The following PIWIL3 variants were observed in gnomAD, a reference collection of about 807,000 sequenced individuals.
PIWIL3 encodes the protein piwi like RNA-mediated gene silencing 3, also known as piwi-like protein 3.
In PIWIL3, 101 loss-of-function variants were observed where a neutral mutation model predicts 109.7. The ratio of observed to expected loss-of-function variants is 0.92; its 90% CI spans 0.78 to 1.09. The LOEUF (loss-of-function observed/expected upper bound fraction) is 1.09, where lower values mean the gene tolerates loss of function less well. PIWIL3 is among the 50% of genes least tolerant of loss of function. The pLI is 0.00. For synonymous variants in PIWIL3, 373 were observed against 376.4 expected (o/e 0.99, Z 0.10); for missense variants, 1,031 against 1,072.6 (o/e 0.96, Z 0.54).
rs1305608999 is a variant in PIWIL3 at position 24,725,487 on chromosome 22, T to A, written c.2038A>T (p.Thr680Ser). ...KWYSQCVIQK[T>S]GEELVKELEI... ...AGCTCTTTCACAAGCTCTTCTCCTG[T>A]TTTCTGGATGACACATTGAGAGTAC... Residue 680 changes from threonine (T) to serine (S), a missense_variant, in exon 17 of 21, where the codon ACA becomes TCA. Thr to Ser is a moderately conservative substitution (Grantham distance 58). Transcript: ENST00000616349. 2.5e-6 allele frequency: 4 copies of A among 1,613,968 alleles called. No individual in the cohort carries two copies. In the East Asian group the frequency reaches 8.9e-5, roughly 36 times the overall value.
In PIWIL3 at chr22:24,747,106, G is replaced by T. The variant is rs192877179; in HGVS notation, c.1449+1801C>A. Among the ~76,000 whole-genome samples the T allele has an allele frequency of 6.2e-4, 95 of 152,100 alleles. 2 individuals are homozygous for T. Among genetic ancestry groups the T allele is most frequent in the Admixed American group, 3.7e-3 (56 of 15,264 alleles). The stretch of plus-strand genomic sequence containing the variant: ...CTACAGAGCTATAGTAACCAAAATG[G>T]CATGGTACTGGCATAAAAACAGACA... On this transcript the variant is annotated intron_variant, in intron 12 of 20. Transcript: ENST00000616349.
intron 12 of PIWIL3, among the ~76,000 whole-genome samples, chr22:24,743,346 A>G (rs1924120915): frequency 6.6e-6 from 1 of 152,226 alleles, no homozygotes; most frequent in African/African-American, 2.4e-5. Context: ...ACTACTAGGT[A>G]TCTGCCCAGA....
At chr22:24,755,052 T>C (rs555943588) in intron 6 of PIWIL3, among the ~76,000 whole-genome samples, 188 bp from the exon 7 acceptor site, 2 of 152,364 alleles carry the variant, frequency 1.3e-5, no homozygotes, top group East Asian at 3.9e-4. Flanking sequence ...TTCCATCTCC[T>C]TATAAACATA....
In PIWIL3 at chr22:24,759,815, C is replaced by T. The variant is rs981259898; in HGVS notation, c.223+54G>A. The T allele has an allele frequency of 4.3e-6, 7 of 1,611,638 alleles. No homozygotes were observed. In the African/African-American group the frequency reaches 9.3e-5, roughly 22 times the overall value. On this transcript the variant is annotated intron_variant, in intron 3 of 20. Transcript: ENST00000616349. ...CTAGAACCTTCTACCGCTGTGGTAG[C>T]CCTTCACACATGAAGCATCCCCTGC...
At chr22:24,740,531 G>C (rs1569102282) in intron 12 of PIWIL3, among the ~76,000 whole-genome samples, 1 of 138,180 alleles carries the variant, frequency 7.2e-6, no homozygotes, top group Non-Finnish European at 1.5e-5. Flanking sequence ...CTGGGCAACA[G>C]AGCAAGACTC....
At chr22:24,745,633 A>G (rs1002097831) in intron 12 of PIWIL3, among the ~76,000 whole-genome samples, 4 of 151,924 alleles carry the variant, frequency 2.6e-5, no homozygotes, top group Non-Finnish European at 5.9e-5. Flanking sequence ...AAATGAAATT[A>G]AAATGAAGAA....
At chr22:24,748,797 T>C (rs941616527) in intron 12 of PIWIL3, 110 bp downstream of exon 12, 14 of 780,276 alleles carry the variant, frequency 1.8e-5, no homozygotes, top group African/African-American at 3.5e-5. Flanking sequence ...GAATGAGCAG[T>C]CTGAAAAAAG....
intron 12 of PIWIL3, among the ~76,000 whole-genome samples, chr22:24,739,165 A>G (rs1923832519): frequency 6.6e-6 from 1 of 150,844 alleles, no homozygotes. Flanking sequence ...TTGAAAACAC[A>G]TAGAGGAGAC....
chr22:24,743,392 G>A (rs972596829), intron 12 of PIWIL3, among the ~76,000 whole-genome samples: 5 of 152,232 alleles, frequency 3.3e-5, no homozygotes, highest in African/African-American at 1.2e-4. Flanking sequence ...ACTTGCACAT[G>A]CAAGTTTATA....
intron 12 of PIWIL3, among the ~76,000 whole-genome samples, chr22:24,744,180 A>ATT (rs59183599): frequency 0.066 from 6,827 of 103,326 alleles, 1,054 homozygotes; most frequent in African/African-American, 0.13. Context: ...GACCGAATTA[A>ATT]AAAAAAAAAA....
At position 24,723,227 on chromosome 22, in the gene PIWIL3, T is replaced by C. The variant is rs1433840263; in HGVS notation, c.2260A>G (p.Lys754Glu). 1 of 1,611,272 alleles carries C rather than the reference T, an allele frequency of 6.2e-7. No homozygotes were observed. The highest frequency in any genetic ancestry group is 1.7e-5 in the Admixed American group (1 of 60,022). Residue 754 changes from lysine to glutamate, a missense_variant, in exon 19 of 21, where the codon AAA becomes GAA. Transcript: ENST00000616349. Reference protein sequence around the residue: ...NFTLAFIVVKKRINTRFFLKH... With the variant: ...NFTLAFIVVKERINTRFFLKH... ...AGAAAAAATCTAGTGTTTATTCGTT[T>C]CTTCACCACAATGAAAGCTAGAGTG...
intron 1 of PIWIL3, among the ~76,000 whole-genome samples, chr22:24,763,285 G>GCACC (rs1925559435): frequency 6.8e-6 from 1 of 146,032 alleles, no homozygotes; most frequent in South Asian, 2.2e-4. Context: ...ACACACCACC[G>GCACC]CACCCAGCTA....
At chr22:24,726,313 C>T (rs144153839) in intron 16 of PIWIL3, among the ~76,000 whole-genome samples, 4,645 of 149,950 alleles carry the variant, frequency 0.031, 111 homozygotes, top group Non-Finnish European at 0.049. Context: ...AACGGAGTCT[C>T]GCTCTGTCAC....
chr22:24,735,946 T>C, intron 12 of PIWIL3, 54 bp from the exon 13 acceptor site: 1 of 1,408,144 alleles, frequency 7.1e-7, no homozygotes, highest in Non-Finnish European at 9.7e-7. Flanking sequence ...GATCAACTTA[T>C]CTGAGATCCT....
At chr22:24,751,617 A>T in intron 8 of PIWIL3, 119 bp from the exon 9 acceptor site, 1 of 1,478,866 alleles carries the variant, frequency 6.8e-7, no homozygotes, top group Non-Finnish European at 8.9e-7. Flanking sequence ...TTTACTTAAG[A>T]TGTAATTCAC....
At chr22:24,759,542 G>C (rs184799535) in intron 3 of PIWIL3, among the ~76,000 whole-genome samples, 1 of 152,322 alleles carries the variant, frequency 6.6e-6, no homozygotes, top group East Asian at 1.9e-4. Context: ...ACAATTTAAA[G>C]AGGAAAGAAA....
chr22:24,735,028 A>G (rs994429193), intron 13 of PIWIL3, among the ~76,000 whole-genome samples: 3 of 152,060 alleles, frequency 2.0e-5, no homozygotes, highest in African/African-American at 7.2e-5. Context: ...AGGCAAAACC[A>G]TGGAGACGGT....
In PIWIL3 at chr22:24,740,430, C is replaced by T. The variant is rs1461204576; in HGVS notation, c.1450-4538G>A. On this transcript the variant is annotated intron_variant, in intron 12 of 20. Transcript: ENST00000616349. The stretch of plus-strand genomic sequence containing the variant: ...AGACATGGTGGCAGGTGCCTGTAGT[C>T]CCCGTTGCTTGGGAGGCTGAGGCAG... 6.6e-5 allele frequency among the ~76,000 whole-genome samples: 10 copies of T among 151,404 alleles called. No individual in the cohort carries two copies. The East Asian group carries it at 1.4e-3, about 21-fold the overall frequency.
intron 9 of PIWIL3, among the ~76,000 whole-genome samples, chr22:24,750,491 CTT>C (rs1202112452): frequency 3.0e-5 from 3 of 98,432 alleles, no homozygotes; most frequent in Non-Finnish European, 2.2e-5. Context: ...GATTTTTTTT[CTT>C]TTTTTTTTTT....
Sources: gnomAD v4.1 joint callset for allele counts (sites outside exome capture counted in the v4.1 genomes callset) on GRCh38, gnomAD v4.1.1 for gene constraint, MANE v1.5 for transcripts, NCBI Gene and HGNC (gene_info 2026-07-23, HGNC 2026-07-21) for gene names.